Variants in ANK2 observed in about 807,000 individuals in gnomAD.
The protein encoded by ANK2 is ankyrin-2.
ANK2 carries 83 observed loss-of-function variants against 360.5 expected under a neutral mutation model. The ratio of observed to expected loss-of-function variants is 0.23; its 90% CI spans 0.19 to 0.28. The LOEUF (loss-of-function observed/expected upper bound fraction) is 0.28. Ranked by LOEUF, ANK2 falls within the 10% of genes least tolerant of loss-of-function variation. ANK2 has a pLI of 1.00. For missense variants in ANK2, 4,201 were observed against 4,795.7 expected, an observed-to-expected ratio of 0.88 and a Z score of 3.66; for synonymous variants, 1,740 against 1,759.5, an observed-to-expected ratio of 0.99 and a Z score of 0.28.
At position 112,848,713 on chromosome 4, in the gene ANK2, G is replaced by A. The variant is rs561502750; in HGVS notation, c.-40+30449G>A. The stretch of plus-strand genomic sequence containing the variant: ...CCTGCTGGACTTTGAGCTCCTTGAA[G>A]GTAGGAGTCTTGACTTACTCACCTT... On this transcript the variant is annotated intron_variant, in intron 1 of 30. Coordinates refer to the ANK2 transcript ENST00000503271. 3.5e-4 allele frequency among the ~76,000 whole-genome samples: 53 copies of A among 152,246 alleles called. 2 individuals are homozygous for A. In the South Asian group the frequency reaches 0.011, roughly 32 times the overall value.
chr4:113,156,679 C>T (rs2097310571), intron 1 of ANK2, among the ~76,000 whole-genome samples: 1 of 151,854 alleles, frequency 6.6e-6, no homozygotes, highest in South Asian at 2.1e-4. Flanking sequence ...TAGAAAAATT[C>T]TTGAAGAAAA....
Position 112,885,796 on chromosome 4 carries a change from C to CAAAAAAA in ANK2, c.-39-18636_-39-18630dup, listed in dbSNP as rs750277917. Among the ~76,000 whole-genome samples, 11 of 26,968 alleles carry CAAAAAAA rather than the reference C, an allele frequency of 4.1e-4. 1 individual carries two copies. Among genetic ancestry groups the CAAAAAAA allele is most frequent in the Admixed American group, 1.2e-3 (2 of 1,674 alleles). 17.7% of individuals were successfully genotyped at this position (26,968 alleles called of 152,430 possible). A position where few individuals can be genotyped will look rare whatever the true frequency, so the allele number is the denominator to read the frequency against. ...TGGGGGACAGAGCAAGACTCTGTCT[C>CAAAAAAA]AAAAAAAAAAAAAAAAAAAAAAAAA... On this transcript the variant is annotated intron_variant, in intron 1 of 30. Coordinates refer to the ANK2 transcript ENST00000503271.
chr4:112,720,670 C>T, the ANK2 span, among the ~76,000 whole-genome samples: 9 of 152,126 alleles, frequency 5.9e-5, no homozygotes, highest in Non-Finnish European at 1.2e-4. Flanking sequence ...ATAATTTAAT[C>T]TTTTAAAATT....
At chr4:113,021,517 TAC>T (rs1175622012) in intron 2 of ANK2, among the ~76,000 whole-genome samples, 1 of 52,980 alleles carries the variant, frequency 1.9e-5, no homozygotes, top group African/African-American at 6.3e-5. Context: ...TGTGTATATA[TAC>T]ACACACACAC....
chr4:112,944,635 G>A (rs1039967124), intron 2 of ANK2, among the ~76,000 whole-genome samples: 1 of 152,136 alleles, frequency 6.6e-6, no homozygotes, highest in African/African-American at 2.4e-5. Flanking sequence ...GGTTTGATGA[G>A]CAGGCTAGTT....
rs75858998 is a variant in ANK2 at position 112,976,061 on chromosome 4, G to A, written c.21+71547G>A. ...CTGACATTTTTTTTCATTTTATGTC[G>A]TTTTTTTCCCTGCAATCCACAAATT... On this transcript the variant is annotated intron_variant, in intron 2 of 30. Transcript: ENST00000503271. Among the ~76,000 whole-genome samples, 15 of 151,592 alleles carry A rather than the reference G, an allele frequency of 9.9e-5. No homozygotes were observed. In the East Asian group the frequency reaches 2.3e-3, roughly 23 times the overall value.
rs113515536 is a variant in ANK2, at chr4:113,317,517, A to G, written c.2694-190A>G. 2,216 of 641,944 alleles carry G rather than the reference A, an allele frequency of 3.5e-3. 46 individuals carry two copies. In the African/African-American group the frequency reaches 0.035, roughly 10 times the overall value. 39.8% of individuals were successfully genotyped at this position (641,944 alleles called of 1,614,324 possible). A position where few individuals can be genotyped will look rare whatever the true frequency, so the allele number is the denominator to read the frequency against. On this transcript the variant is annotated intron_variant, in intron 24 of 45. Coordinates refer to ENST00000357077, the MANE Select transcript of ANK2 (RefSeq NM_001148.6). ...TGTGCTCTTGCCATTGAGCGGTAGG[A>G]ACCTGTCAAAGGATGTGTTAGTTCA...
chr4:113,092,298 C>T (rs1450366039), intron 1 of ANK2, among the ~76,000 whole-genome samples: 1 of 152,122 alleles, frequency 6.6e-6, no homozygotes, highest in Non-Finnish European at 1.5e-5. Flanking sequence ...TCAGGCTTGC[C>T]TTTGCTTCTG....
chr4:112,847,073 T>G (rs575885450), intron 1 of ANK2, among the ~76,000 whole-genome samples: 1 of 152,160 alleles, frequency 6.6e-6, no homozygotes. Flanking sequence ...AGTCACATAC[T>G]CTGTGAAAAC....
intron 26 of ANK2, chr4:113,323,863 T>C: frequency 6.8e-7 from 1 of 1,461,976 alleles, no homozygotes; most frequent in Non-Finnish European, 9.5e-7. Context: ...CATCTCCTTC[T>C]GCATATTCCT....
chr4:113,015,698 T>A (rs2056417820), intron 2 of ANK2, among the ~76,000 whole-genome samples: 1 of 152,228 alleles, frequency 6.6e-6, no homozygotes, highest in African/African-American at 2.4e-5. Context: ...ACAAGGTAAT[T>A]TAAAAGTAGT....
rs28702611 is a variant in ANK2 at position 113,128,732 on chromosome 4, G to A, written c.85-45684G>A. Among the ~76,000 whole-genome samples, 1,188 of 152,102 alleles carry A rather than the reference G, an allele frequency of 7.8e-3. 17 individuals are homozygous for A. The highest frequency in any genetic ancestry group is 0.027 in the African/African-American group (1,124 of 41,474). ...TCTGGAACTCCTGACCTTGTGATTCGTCCACCTCGGCTTCCCAAAGTGCTG... is the reference window on the plus strand; with the variant it reads ...TCTGGAACTCCTGACCTTGTGATTCATCCACCTCGGCTTCCCAAAGTGCTG... On this transcript the variant is annotated intron_variant, in intron 1 of 45. Coordinates refer to ENST00000357077, the MANE Select transcript of ANK2 (RefSeq NM_001148.6).
In ANK2 at chr4:113,357,068, C is replaced by T. The variant is rs775290311; in HGVS notation, c.8450C>T (p.Thr2817Ile). ...IYKESLALQGTHEKDTEGEEL... is the reference protein window; with the variant it reads ...IYKESLALQGIHEKDTEGEEL... ...AAAGAATCATTAGCTCTCCAAGGCA[C>T]TCATGAAAAAGACACAGAGGGAGAA... The change falls in exon 38 of 46, where the codon ACT becomes ATT. Residue 2817 changes from threonine to isoleucine, a missense_variant. This residue lies in a region of ANK2 where 2,642 missense variants were observed against 2,714.5 expected (regional missense o/e 0.97). Coordinates refer to ENST00000357077, the MANE Select transcript of ANK2 (RefSeq NM_001148.6). The T allele has an allele frequency of 1.9e-6, 3 of 1,613,916 alleles. No homozygotes were observed. Among genetic ancestry groups the T allele is most frequent in the Admixed American group, 1.7e-5 (1 of 59,990 alleles).
At chr4:112,905,059 T>C (rs1487733765) in intron 2 of ANK2, among the ~76,000 whole-genome samples, 1 of 152,170 alleles carries the variant, frequency 6.6e-6, no homozygotes, top group African/African-American at 2.4e-5. Context: ...ACTTAAATGA[T>C]AGAATGTAAA....
chr4:113,243,019 A>G (rs541520848), intron 9 of ANK2, among the ~76,000 whole-genome samples: 37 of 152,336 alleles, frequency 2.4e-4, no homozygotes, highest in Non-Finnish European at 5.3e-4. Context: ...TTGAAAAAGC[A>G]GAGTAAATTA....
At chr4:112,923,505 A>C (rs2091989277) in intron 2 of ANK2, among the ~76,000 whole-genome samples, 1 of 152,106 alleles carries the variant, frequency 6.6e-6, no homozygotes, top group African/African-American at 2.4e-5. Context: ...GTGATACATA[A>C]AATTGGGGAA....
intron 1 of ANK2, among the ~76,000 whole-genome samples, chr4:113,124,663 T>A (rs112325774): frequency 2.1e-4 from 32 of 152,350 alleles, no homozygotes; most frequent in African/African-American, 7.2e-4. Context: ...TTCTTCCATG[T>A]TCCTTTACTT....
chr4:112,834,456 C>T (rs1232219241), intron 1 of ANK2, among the ~76,000 whole-genome samples: 4 of 152,128 alleles, frequency 2.6e-5, no homozygotes, highest in African/African-American at 9.7e-5. Context: ...ATTTTCTCTG[C>T]TCTTGTATAT....
chr4:113,356,474 A>T lies in ANK2; in HGVS notation c.7856A>T (p.Glu2619Val). The T allele has an allele frequency of 6.2e-7, 1 of 1,614,138 alleles. No homozygotes were observed. Among genetic ancestry groups the T allele is most frequent in the South Asian group, 1.1e-5 (1 of 91,088 alleles). Residue 2619 changes from glutamate to valine, a missense_variant, in exon 38 of 46, where the codon GAA becomes GTA. Transcript: ENST00000357077. ...TACAAAAAAGAACCCAAACAAGAAGAATCTTCTTCATCTTCTGACCCAGAT... is the reference window on the plus strand; with the variant it reads ...TACAAAAAAGAACCCAAACAAGAAGTATCTTCTTCATCTTCTGACCCAGAT... ...RDYKKEPKQEESSSSSDPDAD... is the reference protein window; with the variant it reads ...RDYKKEPKQEVSSSSSDPDAD...
Sources: allele counts gnomAD v4.1 joint callset (sites outside exome capture counted in the v4.1 genomes callset), GRCh38; gene constraint gnomAD v4.1.1; regional missense constraint gnomAD v4.1.1; transcripts MANE v1.5; gene names NCBI Gene and HGNC (gene_info 2026-07-23, HGNC 2026-07-21).